The following CPEB2 variants were observed in gnomAD, a reference collection of about 807,000 sequenced individuals.
CPEB2 encodes the protein cytoplasmic polyadenylation element binding protein 2.
In CPEB2, 56 loss-of-function variants were observed where a neutral mutation model predicts 93.6. That is an observed-to-expected ratio of 0.60 (90% CI 0.48 to 0.75). The LOEUF is 0.75. Ranked by LOEUF, CPEB2 falls within the 30% of genes least tolerant of loss-of-function variation. The pLI is 0.00. For missense variants in CPEB2, 1,579 were observed against 1,395.1 expected, an observed-to-expected ratio of 1.13 and a Z score of -2.10; for synonymous variants, 764 against 586.3, an observed-to-expected ratio of 1.30 and a Z score of -4.38.
intron 8 of CPEB2, 96 bp downstream of exon 8, chr4:15,054,313 A>C: frequency 2.4e-6 from 2 of 825,972 alleles, no homozygotes; most frequent in South Asian, 1.5e-5. Context: ...ATCATAAGAG[A>C]CTTGCTATGA....
At chr4:15,062,660 C>G (rs1729308328) in intron 11 of CPEB2, among the ~76,000 whole-genome samples, 1 of 152,012 alleles carries the variant, frequency 6.6e-6, no homozygotes, top group Admixed American at 6.6e-5. Flanking sequence ...ACATGTCTTT[C>G]TCAGTAATTT....
At chr4:15,058,321 G>GTTT in intron 8 of CPEB2, 100 bp from the exon 9 acceptor site, 10 of 571,686 alleles carry the variant, frequency 1.7e-5, no homozygotes, top group Admixed American at 5.6e-5. Context: ...TTGATAGTTT[G>GTTT]TTTTTTTTTT....
Position 15,067,481 on chromosome 4 carries a change from A to G in CPEB2, c.*1101A>G, listed in dbSNP as rs960488635. 1.3e-5 allele frequency: 2 copies of G among 152,480 alleles called. No homozygotes were observed. The highest frequency in any genetic ancestry group is 2.9e-5 in the Non-Finnish European group (2 of 67,974). The allele number at this position is 152,480 out of a possible 1,614,324, so 9.4% of individuals were successfully genotyped here. ...TAGATAAAAGAATGAGTAAAAGAAA[A>G]TACAAGAATTCTAAAGAAAGTTGGT... On this transcript the variant is annotated 3_prime_UTR_variant, in exon 12 of 12. Coordinates refer to ENST00000538197, the MANE Select transcript of CPEB2 (RefSeq NM_001177382.2).
Position 15,069,930 on chromosome 4 carries a change from A to G in CPEB2, c.*3550A>G, listed in dbSNP as rs1366761927. 6.6e-6 allele frequency: 1 copy of G among 152,092 alleles called. No homozygotes were observed. The highest frequency in any genetic ancestry group is 1.5e-5 in the Non-Finnish European group (1 of 67,770). 9.4% of individuals were successfully genotyped at this position (152,092 alleles called of 1,614,324 possible). A position where few individuals can be genotyped will look rare whatever the true frequency, so the allele number is the denominator to read the frequency against. On this transcript the variant is annotated 3_prime_UTR_variant, in exon 12 of 12. Transcript: ENST00000538197. ...TTTTTTCTAAATAAAAAGAGAACCC[A>G]TGCTTTTATGGACACTAGGTAAACA...
chr4:15,004,545 C>T (rs1474699856), intron 1 of CPEB2, among the ~76,000 whole-genome samples: 1 of 152,082 alleles, frequency 6.6e-6, no homozygotes, highest in African/African-American at 2.4e-5. Flanking sequence ...GCAGTGGCCA[C>T]CGTGGGCTGT....
intron 8 of CPEB2, among the ~76,000 whole-genome samples, chr4:15,057,037 A>C (rs901207410): frequency 7.2e-5 from 11 of 152,112 alleles, no homozygotes; most frequent in Non-Finnish European, 1.2e-4. Flanking sequence ...GGCCAACATT[A>C]AAATATTGAA....
intron 5 of CPEB2, among the ~76,000 whole-genome samples, chr4:15,036,562 G>C (rs1726630923): frequency 6.6e-6 from 1 of 152,044 alleles, no homozygotes; most frequent in East Asian, 1.9e-4. Context: ...TAGTAGTAAA[G>C]AGCAATACAA....
chr4:15,047,158 CAAT>C (rs1727789706), intron 6 of CPEB2, among the ~76,000 whole-genome samples: 1 of 152,064 alleles, frequency 6.6e-6, no homozygotes, highest in Admixed American at 6.5e-5. Flanking sequence ...TTTACAGTCT[CAAT>C]AACTATAGCT....
At chr4:15,008,252 AT>A in intron 2 of CPEB2, 85 bp from the exon 3 acceptor site, 4 of 925,188 alleles carry the variant, frequency 4.3e-6, no homozygotes. Context: ...ATAGAGCTTT[AT>A]TTTTTGTTTT....
Position 15,033,151 on chromosome 4 carries a change from CT to C in CPEB2, c.2126-5del. On this transcript the variant is annotated splice_polypyrimidine_tract_variant and intron_variant, in intron 4 of 11. Coordinates refer to ENST00000538197, the MANE Select transcript of CPEB2 (RefSeq NM_001177382.2). ...TAATCTTCAAACTCACCTTTCCTGT[CT>C]TTTTAAAGGTCGATTGAGCTATCCA... is the stretch of plus-strand genomic sequence containing the variant. 1 of 1,594,238 alleles carries C rather than the reference CT, an allele frequency of 6.3e-7. No homozygotes were observed.
chr4:15,025,060 T>C (rs183545001), intron 4 of CPEB2, among the ~76,000 whole-genome samples: 31 of 152,192 alleles, frequency 2.0e-4, no homozygotes, highest in African/African-American at 7.5e-4. Context: ...TTTTTAATAT[T>C]ACCTCTTTTT....
At chr4:15,036,020 A>C (rs1307048109) in intron 5 of CPEB2, among the ~76,000 whole-genome samples, 1 of 152,238 alleles carries the variant, frequency 6.6e-6, no homozygotes, top group Non-Finnish European at 1.5e-5. Flanking sequence ...ATAGTTAATC[A>C]GCAGTTATGG....
chr4:15,011,733 T>C (rs1419243572), intron 3 of CPEB2, among the ~76,000 whole-genome samples: 1 of 152,230 alleles, frequency 6.6e-6, no homozygotes, highest in African/African-American at 2.4e-5. Context: ...GTGAGGTTAT[T>C]ATTACTTACA....
At chr4:15,065,140 A>G (rs1729587721) in intron 11 of CPEB2, among the ~76,000 whole-genome samples, 1 of 152,082 alleles carries the variant, frequency 6.6e-6, no homozygotes, top group Non-Finnish European at 1.5e-5. Flanking sequence ...GGTTGTTTCT[A>G]GTTTGTTGTT....
intron 11 of CPEB2, among the ~76,000 whole-genome samples, chr4:15,064,588 A>AT (rs1462544453): frequency 1.5e-4 from 23 of 152,058 alleles, no homozygotes; most frequent in Non-Finnish European, 2.9e-4. Flanking sequence ...TTAAAAAAAA[A>AT]GAAATAACCA....
chr4:15,015,348 T>G (rs934134525), intron 3 of CPEB2, among the ~76,000 whole-genome samples: 11 of 152,064 alleles, frequency 7.2e-5, no homozygotes, highest in African/African-American at 2.7e-4. Context: ...TGCATGTGTT[T>G]TACCTCAGGG....
At chr4:15,011,676 G>A (rs1008956548) in intron 3 of CPEB2, among the ~76,000 whole-genome samples, 7 of 151,966 alleles carry the variant, frequency 4.6e-5, no homozygotes, top group African/African-American at 9.7e-5. Flanking sequence ...TTAAGGTTAC[G>A]CTATATTTAT....
chr4:15,005,243 G>A (rs981407124), intron 1 of CPEB2: 2 of 152,214 alleles, frequency 1.3e-5, no homozygotes, highest in Non-Finnish European at 2.9e-5. Flanking sequence ...TTCAATGTTG[G>A]GGTCATGTTT....
chr4:15,028,354 G>C (rs1560231302), intron 4 of CPEB2, among the ~76,000 whole-genome samples: 1 of 150,988 alleles, frequency 6.6e-6, no homozygotes, highest in East Asian at 1.9e-4. Flanking sequence ...TTTTCTTAGA[G>C]AATATCCTCC....
Sources: gnomAD v4.1 joint callset for allele counts (sites outside exome capture counted in the v4.1 genomes callset) on GRCh38, gnomAD v4.1.1 for gene constraint, MANE v1.5 for transcripts, NCBI Gene and HGNC (gene_info 2026-07-23, HGNC 2026-07-21) for gene names.